The following FAM133B variants were observed in gnomAD, a reference collection of about 807,000 sequenced individuals.
The protein encoded by FAM133B is family with sequence similarity 133 member B.
FAM133B carries 25 observed loss-of-function variants against 46.4 expected under a neutral mutation model. That is an observed-to-expected ratio of 0.54 (90% CI 0.39 to 0.75). The LOEUF is 0.75. Ranked by LOEUF, FAM133B falls within the 30% of genes least tolerant of loss-of-function variation. The probability of loss-of-function intolerance (pLI) is 0.00; values close to 1 mark genes in which losing one functional copy is unlikely to be tolerated. For synonymous variants in FAM133B, 75 were observed against 86.0 expected (o/e 0.87, Z 0.71); for missense variants, 205 against 277.6 (o/e 0.74, Z 1.86).
intron 7 of FAM133B, among the ~76,000 whole-genome samples, chr7:92,576,492 T>G (rs555612692): frequency 3.4e-4 from 52 of 152,272 alleles, no homozygotes; most frequent in African/African-American, 1.3e-3. Flanking sequence ...GACAGCTGCT[T>G]TGGTTTCCTG....
Position 92,562,195 on chromosome 7 carries a change from T to G in FAM133B, c.*87A>C, listed in dbSNP as rs1044920. 1.3e-3 allele frequency: 1,807 copies of G among 1,420,806 alleles called. 1 individual carries two copies. Among genetic ancestry groups the G allele is most frequent in the Non-Finnish European group, 1.5e-3 (1,648 of 1,072,884 alleles). The allele number at this position is 1,420,806 out of a possible 1,614,324, so 88.0% of individuals were successfully genotyped here. On this transcript the variant is annotated 3_prime_UTR_variant, in exon 11 of 11. Transcript: ENST00000445716. ...TTCCAAAAACAAGAAAATTCATGCA[T>G]TTTAGTAAATATGTTGTAGTTTTCA...
chr7:92,577,834 A>C lies in FAM133B; in HGVS notation c.310-117T>G, dbSNP rs557465293. 1.2e-5 allele frequency: 10 copies of C among 807,634 alleles called. No homozygotes were observed. In the East Asian group the frequency reaches 1.6e-4, roughly 13 times the overall value. The allele number at this position is 807,634 out of a possible 1,614,324, so 50.0% of individuals were successfully genotyped here. A position where few individuals can be genotyped will look rare whatever the true frequency, so the allele number is the denominator to read the frequency against. ...TGTCTGAGAAACAGATGCCATATTC[A>C]TAAGTCATAAATATGAAAATATAAA... On this transcript the variant is annotated intron_variant, in intron 5 of 10. Coordinates refer to ENST00000445716, the MANE Select transcript of FAM133B (RefSeq NM_152789.4).
At chr7:92,568,860 A>G (rs935530337) in intron 9 of FAM133B, among the ~76,000 whole-genome samples, 1 of 152,148 alleles carries the variant, frequency 6.6e-6, no homozygotes, top group Admixed American at 6.5e-5. Context: ...CCTCAGCATT[A>G]GCTTTCATTT....
Position 92,562,102 on chromosome 7 carries a change from C to G in FAM133B, c.*180G>C. ...GAAGAGAAAAAAATAGATGTTCAAG[C>G]AGCAGGCAACATTTATGGCCCTTTC... On this transcript the variant is annotated 3_prime_UTR_variant, in exon 11 of 11. Coordinates refer to ENST00000445716, the MANE Select transcript of FAM133B (RefSeq NM_152789.4). 1 of 554,934 alleles carries G rather than the reference C, an allele frequency of 1.8e-6. No individual in the cohort carries two copies. The highest frequency in any genetic ancestry group is 3.0e-6 in the Non-Finnish European group (1 of 329,400). The allele number at this position is 554,934 out of a possible 1,614,324, so 34.4% of individuals were successfully genotyped here.
chr7:92,580,958 G>C (rs933150292), intron 2 of FAM133B, among the ~76,000 whole-genome samples: 17 of 152,182 alleles, frequency 1.1e-4, no homozygotes, highest in African/African-American at 4.1e-4. Context: ...CAGTTGCCTA[G>C]TTTTCAGGGG....
At position 92,590,003 on chromosome 7, in the gene FAM133B, G is replaced by A. The variant is rs1399597513; in HGVS notation, c.24+265C>T. 1.0e-4 allele frequency: 57 copies of A among 565,480 alleles called. No homozygotes were observed. In the East Asian group the frequency reaches 1.5e-3, roughly 15 times the overall value. 35.0% of individuals were successfully genotyped at this position (565,480 alleles called of 1,614,324 possible). On this transcript the variant is annotated intron_variant, in intron 1 of 10. Transcript: ENST00000445716. ...GGGCACTGGGGGCCCGCGTACAGCA[G>A]GCAAGAGTGCAAACCAGCAGCGCCA...
intron 5 of FAM133B, 148 bp downstream of exon 5, chr7:92,578,002 A>T: frequency 1.4e-6 from 1 of 737,114 alleles, no homozygotes; most frequent in Non-Finnish European, 2.2e-6. Context: ...GATAGAACAA[A>T]ATCACTCTTC....
At chr7:92,584,188 A>G (rs1794974202) in intron 1 of FAM133B, among the ~76,000 whole-genome samples, 1 of 152,054 alleles carries the variant, frequency 6.6e-6, no homozygotes, top group African/African-American at 2.4e-5. Flanking sequence ...CTAGGACAAC[A>G]GGTGTGAGCC....
chr7:92,572,110 A>G (rs1421884419), intron 8 of FAM133B, among the ~76,000 whole-genome samples: 1 of 152,242 alleles, frequency 6.6e-6, no homozygotes, highest in Non-Finnish European at 1.5e-5. Flanking sequence ...ACACAAAAAC[A>G]AAGTAAAGAG....
chr7:92,566,920 T>C (rs1794367207), intron 9 of FAM133B, among the ~76,000 whole-genome samples: 1 of 152,176 alleles, frequency 6.6e-6, no homozygotes, highest in Non-Finnish European at 1.5e-5. Context: ...TGGATTTAAA[T>C]TAAACTGAGG....
chr7:92,583,011 A>G (rs1179887139), intron 1 of FAM133B, among the ~76,000 whole-genome samples: 3 of 152,250 alleles, frequency 2.0e-5, no homozygotes, highest in Non-Finnish European at 4.4e-5. Context: ...GGGACTAAAC[A>G]GATACTTGTA....
At chr7:92,589,067 C>T (rs1795116022) in intron 1 of FAM133B, among the ~76,000 whole-genome samples, 1 of 152,204 alleles carries the variant, frequency 6.6e-6, no homozygotes, top group African/African-American at 2.4e-5. Context: ...TGTTAAGTCT[C>T]CTTTGGTGTG....
intron 10 of FAM133B, among the ~76,000 whole-genome samples, chr7:92,563,016 G>A (rs1408397904): frequency 6.6e-6 from 1 of 152,194 alleles, no homozygotes; most frequent in Non-Finnish European, 1.5e-5. Flanking sequence ...ATTGAAGGGA[G>A]CTGGAGTTTT....
chr7:92,586,527 T>C (rs1795042442), intron 1 of FAM133B, among the ~76,000 whole-genome samples: 1 of 152,210 alleles, frequency 6.6e-6, no homozygotes, highest in Non-Finnish European at 1.5e-5. Flanking sequence ...CTTGAAACAT[T>C]TCACTATGAC....
chr7:92,572,930 T>C (rs1233451038), intron 8 of FAM133B, among the ~76,000 whole-genome samples: 1 of 151,916 alleles, frequency 6.6e-6, no homozygotes, highest in East Asian at 1.9e-4. Flanking sequence ...ATGTCAACAG[T>C]AATGCTGAAT....
intron 3 of FAM133B, 53 bp from the exon 4 acceptor site, chr7:92,578,446 C>G (rs762579871): frequency 5.8e-5 from 86 of 1,472,238 alleles, no homozygotes; most frequent in Admixed American, 1.5e-4. Context: ...TCCAATACAC[C>G]TAATATACAG....
intron 3 of FAM133B, chr7:92,579,024 A>C: frequency 3.6e-6 from 1 of 278,160 alleles, no homozygotes; most frequent in Non-Finnish European, 6.7e-6. Context: ...TTACAAGATG[A>C]TTCTTCTTCA....
In FAM133B at chr7:92,572,704, G is replaced by A. The variant is rs1794568514; in HGVS notation, c.517-2789C>T. On this transcript the variant is annotated intron_variant, in intron 8 of 10. Coordinates refer to ENST00000445716, the MANE Select transcript of FAM133B (RefSeq NM_152789.4). ...ACTGCACTCCAGCCTGGGCAACAGA[G>A]CGAAACTCCATCTCGGAAAACAAAA... Among the ~76,000 whole-genome samples the A allele has an allele frequency of 2.0e-5, 3 of 152,286 alleles. No homozygotes were observed. The South Asian group carries it at 6.2e-4, about 32-fold the overall frequency.
chr7:92,575,121 T>A (rs1219881528), intron 8 of FAM133B, among the ~76,000 whole-genome samples: 1 of 152,172 alleles, frequency 6.6e-6, no homozygotes, highest in Admixed American at 6.5e-5. Context: ...AGTAAGAAGA[T>A]TTTTCAATAT....
Sources: gnomAD v4.1 joint callset for allele counts (sites outside exome capture counted in the v4.1 genomes callset) on GRCh38, gnomAD v4.1.1 for gene constraint, MANE v1.5 for transcripts, NCBI Gene and HGNC (gene_info 2026-07-23, HGNC 2026-07-21) for gene names.